The following CHI3L1 variants were observed in gnomAD, a reference collection of about 807,000 sequenced individuals.
CHI3L1 encodes the protein chitinase-3-like protein 1.
A neutral mutation model predicts 40.7 loss-of-function variants in CHI3L1; 30 were observed. The ratio of observed to expected loss-of-function variants is 0.74; its 90% CI spans 0.55 to 1.00. The LOEUF (loss-of-function observed/expected upper bound fraction) is 1.00. Ranked by LOEUF, CHI3L1 falls within the 50% of genes least tolerant of loss-of-function variation. The pLI is 0.00. For synonymous variants in CHI3L1, 210 were observed against 192.1 expected, an observed-to-expected ratio of 1.09 and a Z score of -0.77; for missense variants, 493 against 492.2, an observed-to-expected ratio of 1.00 and a Z score of -0.01.
At position 203,183,692 on chromosome 1, in the gene CHI3L1, G is replaced by C. The variant is rs1571828813; in HGVS notation, c.414C>G (p.Ala138=). The part of the protein sequence containing the change: ...RTHGFDGLDL[A]WLYPGRRDKQ... ...TGTCTCTCCGTCCAGGGTAGAGCCA[G>C]GCAAGGTCCAGCCCATCAAAGCCAT... The change falls in exon 5 of 10, where the codon GCC becomes GCG. Residue 138 remains alanine (A), a synonymous_variant. Transcript: ENST00000255409. The C allele has an allele frequency of 9.9e-6, 16 of 1,614,096 alleles. No individual in the cohort carries two copies. The highest frequency in any genetic ancestry group is 1.4e-5 in the Non-Finnish European group (16 of 1,180,052).
At chr1:203,182,883 G>T (rs190358370) in intron 5 of CHI3L1, 31 bp from the exon 6 acceptor site, 4 of 1,612,246 alleles carry the variant, frequency 2.5e-6, no homozygotes, top group African/African-American at 1.3e-5. Flanking sequence ...TGAGAGAAAG[G>T]GTCCCAAGTG....
chr1:203,179,218 G>C lies in CHI3L1; in HGVS notation c.*227C>G. 2.3e-6 allele frequency: 1 copy of C among 431,504 alleles called. No homozygotes were observed. The allele number at this position is 431,504 out of a possible 1,614,324, so 26.7% of individuals were successfully genotyped here. A position where few individuals can be genotyped will look rare whatever the true frequency, so the allele number is the denominator to read the frequency against. On this transcript the variant is annotated 3_prime_UTR_variant, in exon 10 of 10. Coordinates refer to ENST00000255409, the MANE Select transcript of CHI3L1 (RefSeq NM_001276.4). The stretch of plus-strand genomic sequence containing the variant: ...TAATCAACAAGTGTGTACTAATCCC[G>C]AGTCTTACATTGCGATGCCTCACTA...
rs1049707590 is a variant in CHI3L1 at position 203,179,207 on chromosome 1, G to A, written c.*238C>T. ...AACATTTCCATTAATCAACAAGTGTGTACTAATCCCGAGTCTTACATTGCG... is the reference window on the plus strand; with the variant it reads ...AACATTTCCATTAATCAACAAGTGTATACTAATCCCGAGTCTTACATTGCG... On this transcript the variant is annotated 3_prime_UTR_variant, in exon 10 of 10. Coordinates refer to ENST00000255409, the MANE Select transcript of CHI3L1 (RefSeq NM_001276.4). 9.6e-6 allele frequency: 4 copies of A among 417,400 alleles called. No homozygotes were observed. The highest frequency in any genetic ancestry group is 1.7e-5 in the Non-Finnish European group (4 of 234,976). 25.9% of individuals were successfully genotyped at this position (417,400 alleles called of 1,614,324 possible).
chr1:203,181,298 G>A lies in CHI3L1; in HGVS notation c.588-13C>T, dbSNP rs773103407. ...GAAATCCAGGTGTCTGAGGAGGAAG[G>A]GGATGGAGGGTGAGGCAGGAAATTA... is the stretch of plus-strand genomic sequence containing the variant. On this transcript the variant is annotated splice_polypyrimidine_tract_variant and intron_variant, in intron 6 of 9. Transcript: ENST00000255409. The A allele has an allele frequency of 1.9e-6, 3 of 1,613,242 alleles. No individual in the cohort carries two copies. The highest frequency in any genetic ancestry group is 2.5e-6 in the Non-Finnish European group (3 of 1,179,512).
chr1:203,181,070 T>A, intron 7 of CHI3L1, 92 bp downstream of exon 7: 1 of 1,493,056 alleles, frequency 6.7e-7, no homozygotes. Context: ...CTTGCAGGAC[T>A]GTACTGAGGG....
chr1:203,183,801 A>T lies in CHI3L1; in HGVS notation c.315-10T>A, dbSNP rs1655998977. On this transcript the variant is annotated splice_polypyrimidine_tract_variant and intron_variant, in intron 4 of 9. Transcript: ENST00000255409. The stretch of plus-strand genomic sequence containing the variant: ...GGCTATCTTGGAAAATCTAGGACCA[A>T]AATCAGCCCTGTAGCATGCTCAGCA... 1.2e-6 allele frequency: 2 copies of T among 1,613,878 alleles called. No individual in the cohort carries two copies. The highest frequency in any genetic ancestry group is 1.7e-6 in the Non-Finnish European group (2 of 1,179,978).
Position 203,186,609 on chromosome 1 carries a change from C to A in CHI3L1, c.15G>T (p.Ala5=). 1 of 1,614,140 alleles carries A rather than the reference C, an allele frequency of 6.2e-7. No individual in the cohort carries two copies. The highest frequency in any genetic ancestry group is 1.1e-5 in the South Asian group (1 of 91,072). The change falls in exon 1 of 10, where the codon GCG becomes GCT. Residue 5 remains alanine, a synonymous_variant. Coordinates refer to ENST00000255409, the MANE Select transcript of CHI3L1 (RefSeq NM_001276.4). MGVK[A]SQTGFVVLVL... is the part of the protein sequence containing the mutation. ...GGCTAGCCCAGATACCTGTTTGAGA[C>A]GCCTTCACACCCATTCTGGCTGCAG...
chr1:203,179,580 C>A lies in CHI3L1; in HGVS notation c.1017G>T (p.Gln339His). Residue 339 changes from glutamine (Q) to histidine (H), a missense_variant, in exon 10 of 10, where the codon CAG (glutamine) becomes CAT (histidine). Physicochemically the swap from Gln to His is conservative, Grantham distance 24. Coordinates refer to ENST00000255409, the MANE Select transcript of CHI3L1 (RefSeq NM_001276.4). ...CCGCCAGCTGCCTGTCCTTCAGGTA[C>A]TGCACCTGGCAGGGGAGGCCCAGAG... The part of the protein sequence containing the change: ...DDQESVKSKV[Q>H]YLKDRQLAGA... 6.2e-7 allele frequency: 1 copy of A among 1,611,648 alleles called. No homozygotes were observed. Among genetic ancestry groups the A allele is most frequent in the Non-Finnish European group, 8.5e-7 (1 of 1,177,992 alleles).
Position 203,179,146 on chromosome 1 carries a change from T to A in CHI3L1, c.*299A>T, listed in dbSNP as rs533698461. 90 of 248,308 alleles carry A rather than the reference T, an allele frequency of 3.6e-4. 1 individual carries two copies. Among genetic ancestry groups the A allele is most frequent in the Admixed American group, 3.5e-4 (7 of 19,956 alleles). 15.4% of individuals were successfully genotyped at this position (248,308 alleles called of 1,614,324 possible). ...ATAAGGAGGGCTGGGGGGCAGGGAGTTGAAGAAATTCCCTTGCCAGGCTTG... is the reference window on the plus strand; with the variant it reads ...ATAAGGAGGGCTGGGGGGCAGGGAGATGAAGAAATTCCCTTGCCAGGCTTG... On this transcript the variant is annotated 3_prime_UTR_variant, in exon 10 of 10. Coordinates refer to ENST00000255409, the MANE Select transcript of CHI3L1 (RefSeq NM_001276.4).
intron 6 of CHI3L1, 73 bp from the exon 7 acceptor site, chr1:203,181,358 C>G: frequency 6.5e-7 from 1 of 1,537,758 alleles, no homozygotes; most frequent in East Asian, 2.3e-5. Context: ...CGTGGTGGCT[C>G]ATACCTGGAA....
At chr1:203,180,756 A>C in intron 7 of CHI3L1, 104 bp from the exon 8 acceptor site, 1 of 802,814 alleles carries the variant, frequency 1.2e-6, no homozygotes, top group East Asian at 2.9e-5. Flanking sequence ...TGTATGGTGC[A>C]CTGGGGATTC....
At chr1:203,182,459 A>C (rs572967783) in intron 6 of CHI3L1, among the ~76,000 whole-genome samples, 1 of 152,354 alleles carries the variant, frequency 6.6e-6, no homozygotes, top group South Asian at 2.1e-4. Flanking sequence ...TTCCCTTTCC[A>C]AAATACTTTC....
At chr1:203,184,723 T>A in intron 3 of CHI3L1, 91 bp from the exon 4 acceptor site, 1 of 1,131,388 alleles carries the variant, frequency 8.8e-7, no homozygotes, top group Non-Finnish European at 1.3e-6. Context: ...ATAGAAGGTT[T>A]CCTGCTTTGG....
Position 203,180,662 on chromosome 1 carries a change from G to GGGT in CHI3L1, c.712-11_712-10insACC. 4.0e-6 allele frequency: 3 copies of GGGT among 753,756 alleles called. No individual in the cohort carries two copies. Among genetic ancestry groups the GGGT allele is most frequent in the Admixed American group, 2.1e-5 (1 of 46,518 alleles). 46.7% of individuals were successfully genotyped at this position (753,756 alleles called of 1,614,324 possible). ...ACCCCACAGCATAGTCCTGGGTGGG[G>GGGT]TAGGGTGGGAACAACGTGAGCAGTT... On this transcript the variant is annotated splice_polypyrimidine_tract_variant and intron_variant, in intron 7 of 9. Transcript: ENST00000255409.
chr1:203,183,849 C>T lies in CHI3L1; in HGVS notation c.315-58G>A, dbSNP rs1366483378. 21 of 1,598,648 alleles carry T rather than the reference C, an allele frequency of 1.3e-5. 1 individual carries two copies. In the Admixed American group the frequency reaches 3.2e-4, roughly 24 times the overall value. Reference sequence around the variant, plus strand: ...GCACTGATATGCTAGGTGCCTTGGGCCTCTGGTGGGGTTTCCAGGACCTGC... The same window carrying T: ...GCACTGATATGCTAGGTGCCTTGGGTCTCTGGTGGGGTTTCCAGGACCTGC... On this transcript the variant is annotated intron_variant, in intron 4 of 9. Coordinates refer to ENST00000255409, the MANE Select transcript of CHI3L1 (RefSeq NM_001276.4).
intron 4 of CHI3L1, among the ~76,000 whole-genome samples, chr1:203,184,031 C>T (rs565483427): frequency 6.6e-6 from 1 of 152,330 alleles, no homozygotes; most frequent in South Asian, 2.1e-4. Flanking sequence ...TAACCTGAGT[C>T]TCAGTTTCAT....
At chr1:203,183,942 T>G (rs538390677) in intron 4 of CHI3L1, 151 bp from the exon 5 acceptor site, 2 of 813,096 alleles carry the variant, frequency 2.5e-6, no homozygotes, top group Non-Finnish European at 4.0e-6. Flanking sequence ...CCTCCAGGCA[T>G]GCATGTGCCT....
At chr1:203,186,447 C>CCCCG in intron 1 of CHI3L1, 102 bp from the exon 2 acceptor site, 3 of 1,487,188 alleles carry the variant, frequency 2.0e-6, no homozygotes, top group South Asian at 2.4e-5. Flanking sequence ...CCCCCACCTC[C>CCCCG]TGGTTGCAGC....
intron 2 of CHI3L1, 73 bp from the exon 3 acceptor site, chr1:203,185,458 C>T: frequency 7.4e-7 from 1 of 1,342,872 alleles, no homozygotes; most frequent in Non-Finnish European, 1.1e-6. Context: ...CAGAGCTGAG[C>T]ACCAATGGGG....
Sources: gnomAD v4.1 joint callset for allele counts (sites outside exome capture counted in the v4.1 genomes callset) on GRCh38, gnomAD v4.1.1 for gene constraint, MANE v1.5 for transcripts, NCBI Gene and HGNC (gene_info 2026-07-23, HGNC 2026-07-21) for gene names.